Variants in KCNK2 observed in about 807,000 individuals in gnomAD.
The protein encoded by KCNK2 is potassium two pore domain channel subfamily K member 2, also known as potassium channel subfamily K member 2.
Under a neutral mutation model 40.5 loss-of-function variants are expected in KCNK2, and 21 were observed. The observed-to-expected ratio is 0.52, with a 90% confidence interval of 0.37 to 0.75. KCNK2 has a LOEUF of 0.75. KCNK2 is among the 30% of genes least tolerant of loss of function. The pLI, the probability that KCNK2 is intolerant of heterozygous loss-of-function variation, is 0.00. For synonymous variants in KCNK2, 191 were observed against 202.2 expected (o/e 0.94, Z 0.47); for missense variants, 399 against 531.6 (o/e 0.75, Z 2.45).
At chr1:215,099,363 C>A (rs551586322) in intron 2 of KCNK2, among the ~76,000 whole-genome samples, 2 of 151,910 alleles carry the variant, frequency 1.3e-5, no homozygotes, top group African/African-American at 4.8e-5. Context: ...TTTATGGCTG[C>A]ATGGTATTCA....
intron 3 of KCNK2, among the ~76,000 whole-genome samples, chr1:215,140,537 T>C (rs1261789592): frequency 6.6e-6 from 1 of 152,196 alleles, no homozygotes; most frequent in East Asian, 1.9e-4. Context: ...GTTACTGTAC[T>C]AAGTACTGTA....
chr1:215,207,356 T>G (rs572275210), intron 6 of KCNK2, among the ~76,000 whole-genome samples: 1 of 152,302 alleles, frequency 6.6e-6, no homozygotes, highest in East Asian at 1.9e-4. Flanking sequence ...TATGAGAATC[T>G]AATGCCTGTT....
At position 215,169,409 on chromosome 1, in the gene KCNK2, A is replaced by T. The variant is rs529544524; in HGVS notation, c.636+50A>T. ...CGTATATTTATTGTTTGATTTTTTT[A>T]AAAAATTATATCTTTTCTGTCACCT... On this transcript the variant is annotated intron_variant, in intron 4 of 6. Transcript: ENST00000444842. 4.2e-5 allele frequency: 59 copies of T among 1,395,540 alleles called. No homozygotes were observed. In the East Asian group the frequency reaches 4.3e-4, roughly 10 times the overall value. The allele number at this position is 1,395,540 out of a possible 1,614,324, so 86.4% of individuals were successfully genotyped here.
At chr1:215,149,014 G>T (rs775864917) in intron 3 of KCNK2, among the ~76,000 whole-genome samples, 4 of 152,170 alleles carry the variant, frequency 2.6e-5, no homozygotes, top group Non-Finnish European at 4.4e-5. Context: ...CTTGGCACAA[G>T]GGGAGTGATG....
At chr1:215,192,318 T>C (rs1664699868) in intron 5 of KCNK2, among the ~76,000 whole-genome samples, 1 of 152,160 alleles carries the variant, frequency 6.6e-6, no homozygotes, top group African/African-American at 2.4e-5. Flanking sequence ...AGAGTGGCAA[T>C]TTAAAAAGGA....
chr1:215,179,752 A>T (rs1664148273), intron 5 of KCNK2, among the ~76,000 whole-genome samples: 1 of 151,916 alleles, frequency 6.6e-6, no homozygotes, highest in Non-Finnish European at 1.5e-5. Flanking sequence ...AATTTTTTTA[A>T]ATTTATTGAG....
chr1:215,063,760 C>T lies in KCNK2; in HGVS notation c.35-22608C>T, dbSNP rs372247032. Among the ~76,000 whole-genome samples the T allele has an allele frequency of 1.0e-3, 155 of 152,260 alleles. 5 individuals carry two copies. The South Asian group carries it at 0.032, about 31-fold the overall frequency. On this transcript the variant is annotated intron_variant, in intron 1 of 6. Coordinates refer to the KCNK2 transcript ENST00000391895. ...AGAGGCATAATACACGGTACATTAG[C>T]CTTCTTTTCCTTAAGGAAGTGTCAT... is the stretch of plus-strand genomic sequence containing the variant.
At chr1:215,098,084 G>T (rs536062526) in intron 2 of KCNK2, among the ~76,000 whole-genome samples, 1 of 151,958 alleles carries the variant, frequency 6.6e-6, no homozygotes, top group African/African-American at 2.4e-5. Context: ...TGTCTTCCTA[G>T]TAGTTTTGTT....
At chr1:215,216,853 A>G (rs542168452) in intron 6 of KCNK2, among the ~76,000 whole-genome samples, 14 of 152,160 alleles carry the variant, frequency 9.2e-5, no homozygotes, top group Non-Finnish European at 1.9e-4. Flanking sequence ...AGGAGCCACA[A>G]TGGCAGTGGC....
upstream of KCNK2, among the ~76,000 whole-genome samples, chr1:215,080,649 C>T (rs932808835): frequency 6.6e-6 from 1 of 152,180 alleles, no homozygotes; most frequent in Non-Finnish European, 1.5e-5. Flanking sequence ...CCTCACTGAG[C>T]ATACAATCTA....
intron 6 of KCNK2, among the ~76,000 whole-genome samples, chr1:215,210,508 G>A (rs1189518814): frequency 1.3e-5 from 2 of 152,004 alleles, no homozygotes; most frequent in African/African-American, 4.8e-5. Context: ...TGCAAGTTGA[G>A]GACTGTTATG....
intron 3 of KCNK2, among the ~76,000 whole-genome samples, chr1:215,145,891 C>T (rs1397602015): frequency 6.6e-6 from 1 of 152,058 alleles, no homozygotes; most frequent in Non-Finnish European, 1.5e-5. Context: ...AATTATTTTT[C>T]TTCTCCTCTT....
At chr1:215,023,672 G>A (rs1656891348) in intron 1 of KCNK2, among the ~76,000 whole-genome samples, 1 of 152,180 alleles carries the variant, frequency 6.6e-6, no homozygotes, top group African/African-American at 2.4e-5. Context: ...TCCTGAATTT[G>A]TTTTGACATA....
At chr1:215,231,401 CTA>C (rs1558150791) in intron 6 of KCNK2, among the ~76,000 whole-genome samples, 1 of 151,836 alleles carries the variant, frequency 6.6e-6, no homozygotes, top group African/African-American at 2.4e-5. Context: ...TAATACAGGT[CTA>C]TGTCATGAGA....
At chr1:215,193,402 A>C (rs1431569243) in intron 5 of KCNK2, among the ~76,000 whole-genome samples, 2 of 150,510 alleles carry the variant, frequency 1.3e-5, no homozygotes. Flanking sequence ...TACCTCAAGC[A>C]CTTCGAACCT....
rs918940118 is a variant in KCNK2 at position 215,082,805 on chromosome 1, G to C, written c.-581G>C. On this transcript the variant is annotated 5_prime_UTR_variant, in exon 1 of 7. Coordinates refer to ENST00000444842, the MANE Select transcript of KCNK2 (RefSeq NM_001017425.3). ...AGCAGCGGAGGGCTGCAGAGCTGCG[G>C]GCGCCCGGACCGTGCCACACACCCC... Among the ~76,000 whole-genome samples, 1 of 152,076 alleles carries C rather than the reference G, an allele frequency of 6.6e-6. No individual in the cohort carries two copies. Among genetic ancestry groups the C allele is most frequent in the African/African-American group, 2.4e-5 (1 of 41,444 alleles).
intron 1 of KCNK2, among the ~76,000 whole-genome samples, chr1:215,020,941 AC>A (rs1390291032): frequency 6.6e-6 from 1 of 152,142 alleles, no homozygotes; most frequent in Non-Finnish European, 1.5e-5. Context: ...TGGTCTGCCT[AC>A]CTCTAATCTT....
intron 6 of KCNK2, among the ~76,000 whole-genome samples, chr1:215,230,575 T>TAC (rs1553276511): frequency 3.1e-4 from 24 of 76,558 alleles, no homozygotes; most frequent in South Asian, 4.9e-4. Flanking sequence ...TATATATATA[T>TAC]ACAAGACCGT....
chr1:215,119,648 T>A (rs1661093467), intron 2 of KCNK2, among the ~76,000 whole-genome samples: 1 of 152,170 alleles, frequency 6.6e-6, no homozygotes, highest in Non-Finnish European at 1.5e-5. Context: ...TTCTTATTAA[T>A]CAGCACTTCA....
Sources: gnomAD v4.1 joint callset for allele counts (sites outside exome capture counted in the v4.1 genomes callset) on GRCh38, gnomAD v4.1.1 for gene constraint, MANE v1.5 for transcripts, NCBI Gene and HGNC (gene_info 2026-07-23, HGNC 2026-07-21) for gene names.